DSG2: variants seen among roughly 807,000 people sequenced by gnomAD.
DSG2 encodes desmoglein-2.
In DSG2, 45 loss-of-function variants were observed where a neutral mutation model predicts 75.6. The ratio of observed to expected loss-of-function variants is 0.60; its 90% CI spans 0.47 to 0.76. The LOEUF (loss-of-function observed/expected upper bound fraction) is 0.76. DSG2 is among the 30% of genes least tolerant of loss of function. The probability of loss-of-function intolerance (pLI) is 0.00; values close to 1 mark genes in which losing one functional copy is unlikely to be tolerated. For synonymous variants in DSG2, 429 were observed against 483.9 expected (o/e 0.89, Z 1.49); for missense variants, 1,267 against 1,357.4 (o/e 0.93, Z 1.05).
At chr18:31,527,927 C>T (rs1166974354) in intron 8 of DSG2, among the ~76,000 whole-genome samples, 1 of 152,184 alleles carries the variant, frequency 6.6e-6, no homozygotes, top group African/African-American at 2.4e-5. Context: ...CTCCACTAGG[C>T]GTCTTTTGAA....
At chr18:31,517,934 T>C (rs1000715510) in intron 1 of DSG2, among the ~76,000 whole-genome samples, 6 of 152,062 alleles carry the variant, frequency 3.9e-5, no homozygotes, top group Admixed American at 1.3e-4. Flanking sequence ...ATAAAAACCA[T>C]AGGATGCGGA....
In DSG2 at chr18:31,506,376, T is replaced by G. The variant is rs556601740; in HGVS notation, c.45+8080T>G. Among the ~76,000 whole-genome samples, 86 of 152,376 alleles carry G rather than the reference T, an allele frequency of 5.6e-4. 1 individual carries two copies. The South Asian group carries it at 0.017, about 29-fold the overall frequency. On this transcript the variant is annotated intron_variant, in intron 1 of 14. Transcript: ENST00000261590. ...ATTAAGATTTACCTCATTTCAGAGA[T>G]ATAATCCTGCAAAACTGTACATATA...
At chr18:31,501,393 G>A (rs1237333634) in intron 1 of DSG2, among the ~76,000 whole-genome samples, 1 of 152,094 alleles carries the variant, frequency 6.6e-6, no homozygotes, top group Non-Finnish European at 1.5e-5. Flanking sequence ...TATTTAGTAG[G>A]GTATTAGTTT....
intron 1 of DSG2, among the ~76,000 whole-genome samples, chr18:31,513,392 A>T (rs1038841002): frequency 6.6e-6 from 1 of 152,124 alleles, no homozygotes; most frequent in Admixed American, 6.6e-5. Context: ...CAGTGAGGAG[A>T]ATCTTTTGTA....
At chr18:31,507,857 T>G (rs2073047021) in intron 1 of DSG2, among the ~76,000 whole-genome samples, 1 of 152,202 alleles carries the variant, frequency 6.6e-6, no homozygotes, top group South Asian at 2.1e-4. Flanking sequence ...TTGCAAAAAT[T>G]TTCTCCCATT....
At chr18:31,506,910 G>A (rs1054134103) in intron 1 of DSG2, among the ~76,000 whole-genome samples, 75 of 152,082 alleles carry the variant, frequency 4.9e-4, no homozygotes, top group Middle Eastern at 6.8e-3. Flanking sequence ...AAAAAGTATC[G>A]TTTTGCTTTT....
At position 31,538,710 on chromosome 18, in the gene DSG2, A is replaced by C. The variant is rs377274394; in HGVS notation, c.1652-41A>C. The stretch of plus-strand genomic sequence containing the variant: ...AATTTAATGTTGCCTCATCCTTGGT[A>C]ATCGTTCGTTTTTATTTCCTTCTGC... On this transcript the variant is annotated intron_variant, in intron 11 of 14. Transcript: ENST00000261590. The C allele has an allele frequency of 6.6e-6, 10 of 1,505,108 alleles. No homozygotes were observed. In the African/African-American group the frequency reaches 1.2e-4, roughly 19 times the overall value. The allele number at this position is 1,505,108 out of a possible 1,614,324, so 93.2% of individuals were successfully genotyped here.
intron 1 of DSG2, among the ~76,000 whole-genome samples, chr18:31,515,769 G>T (rs572025165): frequency 1.2e-3 from 177 of 152,318 alleles, no homozygotes; most frequent in Middle Eastern, 3.4e-3. Context: ...TTTCTCTTTG[G>T]AATGGAGAGC....
intron 8 of DSG2, among the ~76,000 whole-genome samples, chr18:31,526,755 T>C (rs2144326198): frequency 6.6e-6 from 1 of 152,320 alleles, no homozygotes; most frequent in South Asian, 2.1e-4. Context: ...TATATGACGA[T>C]GGCCCCGTTA....
At position 31,542,683 on chromosome 18, in the gene DSG2, G is replaced by A. The variant is rs376819371; in HGVS notation, c.2165G>A (p.Arg722Lys). The A allele has an allele frequency of 3.0e-5, 49 of 1,614,096 alleles. No individual in the cohort carries two copies. The highest frequency in any genetic ancestry group is 4.0e-5 in the Non-Finnish European group (47 of 1,180,040). The change falls in exon 14 of 15, where the codon AGA (arginine) becomes AAA (lysine). Residue 722 changes from arginine to lysine, a missense_variant. By Grantham distance (26) the Arg-to-Lys change is conservative. Transcript: ENST00000261590. ...SEMDGRWEEH[R>K]SLLSGRATQF... ...ATGGATGGAAGGTGGGAAGAACACA[G>A]AAGCCTGCTTTCTGGTAGAGCTACC...
At chr18:31,527,736 G>T (rs2073171163) in intron 8 of DSG2, among the ~76,000 whole-genome samples, 1 of 152,130 alleles carries the variant, frequency 6.6e-6, no homozygotes, top group Non-Finnish European at 1.5e-5. Flanking sequence ...AGTCCGTTTG[G>T]GCTGCTACAA....
intron 1 of DSG2, among the ~76,000 whole-genome samples, chr18:31,507,403 T>TTA (rs2073044524): frequency 6.6e-6 from 1 of 152,240 alleles, no homozygotes; most frequent in Non-Finnish European, 1.5e-5. Flanking sequence ...TGCATGTGTC[T>TTA]TTATAGTAGA....
At chr18:31,520,353 A>G (rs983116149) in intron 3 of DSG2, among the ~76,000 whole-genome samples, 5 of 152,146 alleles carry the variant, frequency 3.3e-5, no homozygotes, top group Non-Finnish European at 7.3e-5. Context: ...CTGGCTTAAT[A>G]ATTAATATCT....
chr18:31,513,004 A>C (rs2073075171), intron 1 of DSG2, among the ~76,000 whole-genome samples: 1 of 152,214 alleles, frequency 6.6e-6, no homozygotes, highest in African/African-American at 2.4e-5. Context: ...AATGTCTCAT[A>C]AATTCTGTTT....
chr18:31,521,815 CT>C (rs1367177494), intron 5 of DSG2, among the ~76,000 whole-genome samples: 2 of 152,142 alleles, frequency 1.3e-5, no homozygotes, highest in African/African-American at 4.8e-5. Context: ...GTATTGGCTA[CT>C]AATACTATTA....
chr18:31,508,066 C>G (rs1472435574), intron 1 of DSG2, among the ~76,000 whole-genome samples: 1 of 152,152 alleles, frequency 6.6e-6, no homozygotes, highest in African/African-American at 2.4e-5. Flanking sequence ...TTAGGTCTTA[C>G]ATTTAAGTCT....
intron 1 of DSG2, among the ~76,000 whole-genome samples, chr18:31,517,268 G>A (rs2073099466): frequency 1.3e-5 from 2 of 152,302 alleles, no homozygotes; most frequent in African/African-American, 4.8e-5. Flanking sequence ...ACTGGGAAAG[G>A]TAGTGGGGAG....
chr18:31,521,343 T>C (rs1203545678), intron 5 of DSG2, 100 bp downstream of exon 5: 1 of 1,231,876 alleles, frequency 8.1e-7, no homozygotes, highest in African/African-American at 1.5e-5. Flanking sequence ...GAAAGTTGAG[T>C]ATTACCTACA....
chr18:31,509,150 CATGA>C (rs1353239247), intron 1 of DSG2, among the ~76,000 whole-genome samples: 46 of 152,300 alleles, frequency 3.0e-4, no homozygotes, highest in African/African-American at 1.1e-3. Flanking sequence ...GAATTCACAG[CATGA>C]ATGAACAAGT....
Sources: gnomAD v4.1 joint callset for allele counts (sites outside exome capture counted in the v4.1 genomes callset) on GRCh38, gnomAD v4.1.1 for gene constraint, MANE v1.5 for transcripts, NCBI Gene and HGNC (gene_info 2026-07-23, HGNC 2026-07-21) for gene names.